Variants in LRMDA observed in about 807,000 individuals in gnomAD.
The protein encoded by LRMDA is leucine rich melanocyte differentiation associated, also known as leucine-rich melanocyte differentiation-associated protein.
A neutral mutation model predicts 29.8 loss-of-function variants in LRMDA; 18 were observed. The observed-to-expected ratio is 0.60, with a 90% confidence interval of 0.42 to 0.90. The LOEUF is 0.90. Ranked by LOEUF, LRMDA falls within the 40% of genes least tolerant of loss-of-function variation. The probability of loss-of-function intolerance (pLI) is 0.00; values close to 1 mark genes in which losing one functional copy is unlikely to be tolerated. For missense variants in LRMDA, 273 were observed against 273.9 expected (o/e 1.00, Z 0.02); for synonymous variants, 125 against 109.4 (o/e 1.14, Z -0.89).
chr10:75,434,141 G>A (rs1176386913), intron 1 of LRMDA, among the ~76,000 whole-genome samples: 2 of 152,126 alleles, frequency 1.3e-5, no homozygotes, highest in Admixed American at 1.3e-4. Flanking sequence ...TAATACGATC[G>A]TAGACACAAA....
intron 2 of LRMDA, among the ~76,000 whole-genome samples, chr10:75,441,826 G>A (rs1265656213): frequency 6.6e-6 from 1 of 151,254 alleles, no homozygotes; most frequent in African/African-American, 2.4e-5. Context: ...GCAATACCTT[G>A]ATAAATAAAA....
intron 6 of LRMDA, among the ~76,000 whole-genome samples, chr10:76,517,179 G>C (rs1026451972): frequency 6.6e-6 from 1 of 152,070 alleles, no homozygotes; most frequent in African/African-American, 2.4e-5. Context: ...AGATAGGAGA[G>C]CCATACTTGA....
intron 2 of LRMDA, among the ~76,000 whole-genome samples, chr10:75,698,555 C>T (rs896000024): frequency 1.3e-5 from 2 of 152,086 alleles, no homozygotes; most frequent in Non-Finnish European, 2.9e-5. Context: ...GGCACATGGG[C>T]AGGGGTGGTT....
At chr10:75,750,918 G>GC (rs748117830) in intron 2 of LRMDA, among the ~76,000 whole-genome samples, 1 of 152,230 alleles carries the variant, frequency 6.6e-6, no homozygotes, top group African/African-American at 2.4e-5. Context: ...CGGGGTGGCG[G>GC]CCGGGCAGAG....
intron 6 of LRMDA, among the ~76,000 whole-genome samples, chr10:76,415,815 A>G (rs1303441591): frequency 6.6e-6 from 1 of 152,152 alleles, no homozygotes; most frequent in Non-Finnish European, 1.5e-5. Flanking sequence ...TCCTGTGCGC[A>G]CGAGATGCAC....
At chr10:76,147,751 G>A (rs1002959663) in intron 5 of LRMDA, among the ~76,000 whole-genome samples, 1 of 152,218 alleles carries the variant, frequency 6.6e-6, no homozygotes, top group African/African-American at 2.4e-5. Context: ...TTCGGAGGAG[G>A]AGAGGCACTC....
intron 5 of LRMDA, among the ~76,000 whole-genome samples, chr10:76,252,904 A>G (rs1852510886): frequency 6.6e-6 from 1 of 152,234 alleles, no homozygotes; most frequent in African/African-American, 2.4e-5. Context: ...GTCACCAGGC[A>G]GGAATTCATA....
At chr10:76,237,616 AG>A (rs1374696925) in intron 5 of LRMDA, among the ~76,000 whole-genome samples, 2 of 152,024 alleles carry the variant, frequency 1.3e-5, no homozygotes, top group Non-Finnish European at 2.9e-5. Flanking sequence ...TCTTTTTCAA[AG>A]TGGGAGCAGC....
intron 5 of LRMDA, among the ~76,000 whole-genome samples, chr10:76,139,088 A>G (rs1850151179): frequency 6.6e-6 from 1 of 152,172 alleles, no homozygotes; most frequent in South Asian, 2.1e-4. Context: ...AATTAGAAAA[A>G]GCTCTGTGCC....
At chr10:75,842,217 C>A (rs566092115) in intron 2 of LRMDA, among the ~76,000 whole-genome samples, 1 of 152,294 alleles carries the variant, frequency 6.6e-6, no homozygotes, top group South Asian at 2.1e-4. Flanking sequence ...ACAAGTGAAA[C>A]TGATATGAAG....
chr10:76,226,558 T>C (rs1477960838), intron 5 of LRMDA, among the ~76,000 whole-genome samples: 1 of 152,036 alleles, frequency 6.6e-6, no homozygotes, highest in Non-Finnish European at 1.5e-5. Context: ...ACTCCAGCCT[T>C]GGCGACAAGA....
At chr10:76,401,536 A>C (rs138623123) in intron 6 of LRMDA, among the ~76,000 whole-genome samples, 1 of 152,224 alleles carries the variant, frequency 6.6e-6, no homozygotes, top group East Asian at 1.9e-4. Context: ...GGCTCAGAGA[A>C]TTTGCCAGTG....
At chr10:76,529,176 T>G (rs911366813) in intron 6 of LRMDA, among the ~76,000 whole-genome samples, 1 of 152,120 alleles carries the variant, frequency 6.6e-6, no homozygotes, top group Non-Finnish European at 1.5e-5. Flanking sequence ...CTCTGTTACC[T>G]CCTGTGCTTT....
intron 6 of LRMDA, among the ~76,000 whole-genome samples, chr10:76,529,425 A>G (rs978443669): frequency 7.9e-5 from 12 of 152,144 alleles, no homozygotes; most frequent in Admixed American, 6.6e-4. Flanking sequence ...ATGAGACATT[A>G]TGAGTGTCCC....
chr10:75,839,543 CTT>C (rs59061406), intron 2 of LRMDA, among the ~76,000 whole-genome samples: 66 of 140,210 alleles, frequency 4.7e-4, no homozygotes, highest in African/African-American at 1.4e-3. Flanking sequence ...TTTATTTTTC[CTT>C]TTTTTTTTTT....
intron 6 of LRMDA, among the ~76,000 whole-genome samples, chr10:76,398,907 A>G (rs1314291024): frequency 1.3e-5 from 2 of 152,196 alleles, no homozygotes; most frequent in African/African-American, 2.4e-5. Context: ...TGGGGCTTCC[A>G]AATTTAATTA....
intron 2 of LRMDA, among the ~76,000 whole-genome samples, chr10:75,459,764 T>C (rs903281803): frequency 6.6e-6 from 1 of 152,178 alleles, no homozygotes; most frequent in African/African-American, 2.4e-5. Context: ...GTCCAAGATC[T>C]AGGGGCTGCA....
chr10:76,231,271 A>T (rs1852054268), intron 5 of LRMDA, among the ~76,000 whole-genome samples: 1 of 152,230 alleles, frequency 6.6e-6, no homozygotes, highest in South Asian at 2.1e-4. Flanking sequence ...TATGGCTGTA[A>T]TTAAAGCTTT....
chr10:76,149,113 C>T (rs1220080825), intron 5 of LRMDA, among the ~76,000 whole-genome samples: 2 of 152,152 alleles, frequency 1.3e-5, no homozygotes, highest in Non-Finnish European at 2.9e-5. Flanking sequence ...AAAGTGGTAT[C>T]CCCTAGAATT....
Sources: gnomAD v4.1 joint callset for allele counts (sites outside exome capture counted in the v4.1 genomes callset) on GRCh38, gnomAD v4.1.1 for gene constraint, MANE v1.5 for transcripts, NCBI Gene and HGNC (gene_info 2026-07-23, HGNC 2026-07-21) for gene names.